The following AGMO variants were observed in gnomAD, a reference collection of about 807,000 sequenced individuals.
AGMO encodes glyceryl-ether monooxygenase.
In AGMO, 75 loss-of-function variants were observed where a neutral mutation model predicts 60.2. That is an observed-to-expected ratio of 1.25 (90% CI 1.03 to 1.51). The LOEUF (loss-of-function observed/expected upper bound fraction) is 1.51. Ranked by LOEUF, AGMO falls within the 40% of genes most tolerant of loss-of-function variation. The pLI is 0.00. For synonymous variants in AGMO, 261 were observed against 177.1 expected (o/e 1.47, Z -3.76); for missense variants, 763 against 525.5 (o/e 1.45, Z -4.42).
chr7:15,504,792 AG>A (rs1267194738), intron 3 of AGMO, among the ~76,000 whole-genome samples: 1 of 151,086 alleles, frequency 6.6e-6, no homozygotes, highest in African/African-American at 2.4e-5. Flanking sequence ...AAAAAAAAAA[AG>A]GGTTAAGGGA....
intron 12 of AGMO, among the ~76,000 whole-genome samples, chr7:15,354,384 G>A (rs118058172): frequency 0.058 from 289 of 4,952 alleles, 25 homozygotes; most frequent in Middle Eastern, 0.25. Context: ...GTGTATACAC[G>A]TGTGTGTATA....
chr7:15,467,959 C>T (rs538184104), intron 3 of AGMO, among the ~76,000 whole-genome samples: 1 of 152,226 alleles, frequency 6.6e-6, no homozygotes, highest in South Asian at 2.1e-4. Context: ...ACAAACTCAA[C>T]TTCCCCTTTG....
chr7:15,465,323 TAG>T (rs1296386469), intron 3 of AGMO, among the ~76,000 whole-genome samples: 2 of 150,952 alleles, frequency 1.3e-5, no homozygotes, highest in African/African-American at 4.9e-5. Context: ...CTTCCGAAAT[TAG>T]AGTGTGTGTG....
chr7:15,208,213 C>A (rs927374353), intron 12 of AGMO, among the ~76,000 whole-genome samples: 3 of 152,016 alleles, frequency 2.0e-5, no homozygotes, highest in Non-Finnish European at 4.4e-5. Flanking sequence ...TTCTTAAACA[C>A]TACAGGGCAG....
At chr7:15,553,365 AAAG>A (rs1562570074) in intron 2 of AGMO, among the ~76,000 whole-genome samples, 2 of 151,850 alleles carry the variant, frequency 1.3e-5, no homozygotes, top group African/African-American at 4.8e-5. Context: ...AATAGAAAAA[AAAG>A]AAAGATTAAA....
chr7:15,169,107 G>T, the AGMO span, among the ~76,000 whole-genome samples: 5 of 152,292 alleles, frequency 3.3e-5, no homozygotes, highest in South Asian at 6.2e-4. Context: ...AGTGACAAAT[G>T]AGCAGGAGGA....
intron 12 of AGMO, among the ~76,000 whole-genome samples, chr7:15,322,509 T>A (rs757416675): frequency 0.021 from 1,510 of 72,038 alleles, 68 homozygotes; most frequent in East Asian, 0.041. Flanking sequence ...TATATAAATA[T>A]ATATATAAAT....
chr7:15,125,191 C>G, the AGMO span, among the ~76,000 whole-genome samples: 1 of 152,086 alleles, frequency 6.6e-6, no homozygotes, highest in Non-Finnish European at 1.5e-5. Context: ...GCAGTTTGTT[C>G]ACTTTGAGAA....
At chr7:15,499,504 T>C (rs995182764) in intron 3 of AGMO, among the ~76,000 whole-genome samples, 1 of 151,912 alleles carries the variant, frequency 6.6e-6, no homozygotes, top group African/African-American at 2.4e-5. Flanking sequence ...CACACTTTTT[T>C]GGAGAAGTTG....
chr7:15,181,405 A>C, the AGMO span, among the ~76,000 whole-genome samples: 1 of 151,908 alleles, frequency 6.6e-6, no homozygotes, highest in African/African-American at 2.4e-5. Context: ...AGCCCCTTCT[A>C]CTCTCATTCT....
At chr7:15,489,272 A>G (rs1370159973) in intron 3 of AGMO, among the ~76,000 whole-genome samples, 1 of 152,178 alleles carries the variant, frequency 6.6e-6, no homozygotes, top group African/African-American at 2.4e-5. Context: ...CAGGGGAGAA[A>G]ATACTAAATA....
Position 15,376,580 on chromosome 7 carries a change from G to A in AGMO, c.1074+8866C>T, listed in dbSNP as rs550908138. ...TCATCAAAGTAATCTGTGTTCAAAT[G>A]TATCTGCAGTAACTTTATTACATAT... On this transcript the variant is annotated intron_variant, in intron 10 of 12. Coordinates refer to ENST00000342526, the MANE Select transcript of AGMO (RefSeq NM_001004320.2). Among the ~76,000 whole-genome samples the A allele has an allele frequency of 3.9e-5, 6 of 152,088 alleles. No homozygotes were observed. In the East Asian group the frequency reaches 7.7e-4, roughly 20 times the overall value.
At chr7:15,224,476 G>A (rs962183345) in intron 12 of AGMO, among the ~76,000 whole-genome samples, 1 of 151,770 alleles carries the variant, frequency 6.6e-6, no homozygotes, top group Non-Finnish European at 1.5e-5. Context: ...TCAATGTGAG[G>A]ATACAAGAAG....
At chr7:15,233,639 A>G (rs1211315855) in intron 12 of AGMO, among the ~76,000 whole-genome samples, 2 of 152,176 alleles carry the variant, frequency 1.3e-5, no homozygotes, top group Non-Finnish European at 2.9e-5. Flanking sequence ...TAAGCATGAA[A>G]AAGTCAGGAA....
chr7:15,537,923 A>C (rs992554189), intron 3 of AGMO, among the ~76,000 whole-genome samples: 1 of 152,034 alleles, frequency 6.6e-6, no homozygotes, highest in Non-Finnish European at 1.5e-5. Context: ...ACATATTTTA[A>C]GTGCTTCAAC....
In AGMO at chr7:15,549,787, G is replaced by C. The variant is rs1375922176; in HGVS notation, c.258-4864C>G. Among the ~76,000 whole-genome samples, 16 of 151,510 alleles carry C rather than the reference G, an allele frequency of 1.1e-4. No homozygotes were observed. In the South Asian group the frequency reaches 3.4e-3, roughly 32 times the overall value. On this transcript the variant is annotated intron_variant, in intron 2 of 12. Coordinates refer to ENST00000342526, the MANE Select transcript of AGMO (RefSeq NM_001004320.2). ...ACAGAAAGTCAACAAGGATACCCAG[G>C]AATTGAACTCAGCTCTGCACCAAGC...
At chr7:15,429,763 T>C (rs1274757959) in intron 4 of AGMO, among the ~76,000 whole-genome samples, 1 of 152,028 alleles carries the variant, frequency 6.6e-6, no homozygotes. Context: ...CACATGCCAG[T>C]GTATTTTTCT....
At chr7:15,426,841 A>C (rs539777675) in intron 4 of AGMO, among the ~76,000 whole-genome samples, 2 of 152,256 alleles carry the variant, frequency 1.3e-5, no homozygotes, top group African/African-American at 4.8e-5. Flanking sequence ...AAGAAATAGC[A>C]ATGCATTATG....
chr7:15,273,754 A>G (rs146158029), intron 12 of AGMO, among the ~76,000 whole-genome samples: 132 of 152,212 alleles, frequency 8.7e-4, no homozygotes, highest in African/African-American at 3.0e-3. Flanking sequence ...CTATCCATGA[A>G]CATGGAATGT....
Sources: gnomAD v4.1 joint callset for allele counts (sites outside exome capture counted in the v4.1 genomes callset) on GRCh38, gnomAD v4.1.1 for gene constraint, MANE v1.5 for transcripts, NCBI Gene and HGNC (gene_info 2026-07-23, HGNC 2026-07-21) for gene names.